The following UBE3D variants were observed in gnomAD, a reference collection of about 807,000 sequenced individuals.
The protein encoded by UBE3D is ubiquitin protein ligase E3D, also known as E3 ubiquitin-protein ligase E3D.
A neutral mutation model predicts 49.6 loss-of-function variants in UBE3D; 48 were observed. The ratio of observed to expected loss-of-function variants is 0.97; its 90% CI spans 0.77 to 1.23. The LOEUF (loss-of-function observed/expected upper bound fraction) is 1.23. Among genes scored for constraint, UBE3D ranks in the 50% most tolerant of loss-of-function variants. The pLI, the probability that UBE3D is intolerant of heterozygous loss-of-function variation, is 0.00. For synonymous variants in UBE3D, 189 were observed against 174.2 expected, an observed-to-expected ratio of 1.08 and a Z score of -0.67; for missense variants, 452 against 468.4, an observed-to-expected ratio of 0.96 and a Z score of 0.32.
intron 9 of UBE3D, among the ~76,000 whole-genome samples, chr6:82,929,394 G>A (rs1773981234): frequency 6.6e-6 from 1 of 152,090 alleles, no homozygotes; most frequent in Non-Finnish European, 1.5e-5. Context: ...GACAAATTAA[G>A]GGCTTTCTCT....
intron 9 of UBE3D, among the ~76,000 whole-genome samples, chr6:82,916,758 G>A (rs995051125): frequency 5.3e-5 from 8 of 152,138 alleles, no homozygotes. Flanking sequence ...TAGTTCTAAG[G>A]ACAATCTCAT....
chr6:83,046,675 G>GGGGGGGGGC (rs1554211650), intron 3 of UBE3D, among the ~76,000 whole-genome samples: 1 of 138,970 alleles, frequency 7.2e-6, no homozygotes, highest in African/African-American at 2.8e-5. Context: ...CAGTTGGCGG[G>GGGGGGGGGC]GGGGGTGGGC....
Position 83,048,079 on chromosome 6 carries a change from C to CAAAA in UBE3D, c.366-3424_366-3421dup, listed in dbSNP as rs35344320. Among the ~76,000 whole-genome samples the CAAAA allele has an allele frequency of 2.7e-4, 13 of 48,044 alleles. 1 individual carries two copies. Among genetic ancestry groups the CAAAA allele is most frequent in the Admixed American group, 1.1e-3 (3 of 2,774 alleles). The allele number at this position is 48,044 out of a possible 152,430, so 31.5% of individuals were successfully genotyped here. A position where few individuals can be genotyped will look rare whatever the true frequency, so the allele number is the denominator to read the frequency against. On this transcript the variant is annotated intron_variant, in intron 3 of 9. Transcript: ENST00000369747. ...CCTGGGCAACAGGGAGACTCCAGCT[C>CAAAA]AAAAAAAAAAAAAAAAAAAAAAAAA...
At chr6:82,897,851 A>G (rs1771441466) in intron 9 of UBE3D, among the ~76,000 whole-genome samples, 2 of 152,186 alleles carry the variant, frequency 1.3e-5, no homozygotes, top group South Asian at 4.1e-4. Context: ...TAAATACTAA[A>G]AGATATTCCT....
At chr6:83,019,224 G>T in intron 7 of UBE3D, 88 bp from the exon 8 acceptor site, 1 of 1,147,414 alleles carries the variant, frequency 8.7e-7, no homozygotes, top group Non-Finnish European at 1.2e-6. Context: ...AAGAGACTAT[G>T]AAAATACCAG....
intron 9 of UBE3D, among the ~76,000 whole-genome samples, chr6:82,909,361 C>T (rs927609828): frequency 1.3e-5 from 2 of 152,164 alleles, no homozygotes; most frequent in Non-Finnish European, 2.9e-5. Flanking sequence ...TAACATTAGC[C>T]TTTCTGCCAG....
chr6:83,037,385 A>T (rs1782337585), intron 5 of UBE3D: 1 of 152,156 alleles, frequency 6.6e-6, no homozygotes, highest in African/African-American at 2.4e-5. Context: ...CTTAACTGAC[A>T]TTTTAACAGG....
rs1375485705 is a variant in UBE3D, at chr6:82,905,918, A to G, written c.1150-12876T>C. 2.0e-5 allele frequency among the ~76,000 whole-genome samples: 3 copies of G among 152,294 alleles called. No homozygotes were observed. The East Asian group carries it at 5.8e-4, about 29-fold the overall frequency. On this transcript the variant is annotated intron_variant, in intron 9 of 9. Transcript: ENST00000369747. ...TTATTACCCAGAAACAATGATTATG[A>G]GCTCACGGCCATTGGTTTCATCCAA...
chr6:83,052,654 T>G (rs184193367), intron 3 of UBE3D, among the ~76,000 whole-genome samples: 2,876 of 152,102 alleles, frequency 0.019, 54 homozygotes, highest in Admixed American at 0.059. Context: ...CATGTTTTTT[T>G]GGGGGAGGAG....
intron 8 of UBE3D, among the ~76,000 whole-genome samples, chr6:83,002,826 T>G (rs1431336640): frequency 6.6e-6 from 1 of 152,246 alleles, no homozygotes; most frequent in Non-Finnish European, 1.5e-5. Context: ...TGCTGGCACT[T>G]TGATCTTAGA....
chr6:82,957,748 C>T (rs7740015), intron 8 of UBE3D, among the ~76,000 whole-genome samples: 24,216 of 152,016 alleles, frequency 0.16, 1,967 homozygotes, highest in South Asian at 0.17. Flanking sequence ...CAGAGACTAA[C>T]GGCTAACACA....
chr6:82,992,101 T>C (rs928788225), intron 8 of UBE3D, among the ~76,000 whole-genome samples: 2 of 152,146 alleles, frequency 1.3e-5, no homozygotes, highest in African/African-American at 2.4e-5. Context: ...TATATAAGTA[T>C]TCCAAGATGT....
At chr6:82,965,499 C>T (rs1737587275) in intron 8 of UBE3D, among the ~76,000 whole-genome samples, 2 of 149,514 alleles carry the variant, frequency 1.3e-5, no homozygotes, top group South Asian at 4.2e-4. Context: ...AGGAGAATCG[C>T]TAGAACTTGG....
At position 83,022,465 on chromosome 6, in the gene UBE3D, T is replaced by G; in HGVS notation, c.834A>C (p.Lys278Asn). Residue 278 changes from lysine (K) to asparagine (N), a missense_variant, in exon 7 of 10, where the codon AAA becomes AAC. Coordinates refer to ENST00000369747, the MANE Select transcript of UBE3D (RefSeq NM_198920.3). ...AATAATTTCTTACCAAGATATACAC[T>G]TTGTCATCCTGACCTTGAATCGTGA... ...FRFTIQGQDD[K>N]VYILLWLLNS... is the part of the protein sequence containing the mutation. 1.3e-6 allele frequency: 2 copies of G among 1,596,736 alleles called. No homozygotes were observed. The highest frequency in any genetic ancestry group is 2.3e-5 in the South Asian group (2 of 87,974).
At chr6:83,047,400 G>C (rs1418286633) in intron 3 of UBE3D, among the ~76,000 whole-genome samples, 1 of 152,198 alleles carries the variant, frequency 6.6e-6, no homozygotes, top group Non-Finnish European at 1.5e-5. Flanking sequence ...ACTATATCAA[G>C]AATTGTTACA....
chr6:82,927,800 T>C (rs1392996669), intron 9 of UBE3D, among the ~76,000 whole-genome samples: 1 of 151,534 alleles, frequency 6.6e-6, no homozygotes, highest in Non-Finnish European at 1.5e-5. Flanking sequence ...AAGACAATCA[T>C]GGCATCTCTG....
chr6:82,902,987 C>T (rs1267516322), intron 9 of UBE3D, among the ~76,000 whole-genome samples: 3 of 152,096 alleles, frequency 2.0e-5, no homozygotes, highest in African/African-American at 7.2e-5. Context: ...AGTAACAAGA[C>T]TAGGGGTGTG....
At chr6:83,020,927 A>G (rs1660171206) in intron 7 of UBE3D, among the ~76,000 whole-genome samples, 1 of 152,232 alleles carries the variant, frequency 6.6e-6, no homozygotes, top group African/African-American at 2.4e-5. Flanking sequence ...GTTGAATAAA[A>G]TAGATGTAGA....
chr6:83,024,526 C>T (rs939899790), intron 5 of UBE3D, among the ~76,000 whole-genome samples: 1 of 152,058 alleles, frequency 6.6e-6, no homozygotes. Flanking sequence ...GGGATTCTGC[C>T]AGCTGCTAAG....
Sources: gnomAD v4.1 joint callset for allele counts (sites outside exome capture counted in the v4.1 genomes callset) on GRCh38, gnomAD v4.1.1 for gene constraint, MANE v1.5 for transcripts, NCBI Gene and HGNC (gene_info 2026-07-23, HGNC 2026-07-21) for gene names.